The following OR3A2 variants were observed in gnomAD, a reference collection of about 807,000 sequenced individuals.
OR3A2 encodes the protein olfactory receptor 3A2.
For synonymous variants in OR3A2, 126 were observed against 159.3 expected, an observed-to-expected ratio of 0.79 and a Z score of 1.57; for missense variants, 318 against 392.8, an observed-to-expected ratio of 0.81 and a Z score of 1.61.
chr17:3,348,751 A>T (rs1319477981), intron 2 of OR3A2, among the ~76,000 whole-genome samples: 1 of 152,140 alleles, frequency 6.6e-6, no homozygotes, highest in Non-Finnish European at 1.5e-5. Flanking sequence ...AGTTGAAATG[A>T]AGGAAAAAAA....
chr17:3,293,174 TA>T (rs1434282282), intron 3 of OR3A2, among the ~76,000 whole-genome samples: 16 of 143,310 alleles, frequency 1.1e-4, no homozygotes, highest in Admixed American at 3.5e-4. Flanking sequence ...AAAGGGTGGG[TA>T]GGGGGAGGCA....
At chr17:3,333,224 T>C (rs1274511998) in intron 3 of OR3A2, among the ~76,000 whole-genome samples, 1 of 152,202 alleles carries the variant, frequency 6.6e-6, no homozygotes, top group Non-Finnish European at 1.5e-5. Flanking sequence ...AAATACGCCC[T>C]GGTCTCCTGT....
intron 3 of OR3A2, among the ~76,000 whole-genome samples, chr17:3,299,825 T>C (rs2048948350): frequency 6.6e-6 from 1 of 152,180 alleles, no homozygotes; most frequent in Non-Finnish European, 1.5e-5. Flanking sequence ...CAGAATAATA[T>C]TTCCAACCAC....
chr17:3,340,233 AT>A (rs1200734561), intron 2 of OR3A2, among the ~76,000 whole-genome samples: 9 of 152,036 alleles, frequency 5.9e-5, no homozygotes, highest in South Asian at 2.1e-4. Context: ...GGATTCACTG[AT>A]TTTTTTGAAG....
At chr17:3,280,499 C>T (rs2048770652) in intron 1 of OR3A2, among the ~76,000 whole-genome samples, 1 of 152,132 alleles carries the variant, frequency 6.6e-6, no homozygotes, top group Non-Finnish European at 1.5e-5. Context: ...GTCTCGATCT[C>T]CTGACCTGGT....
Position 3,386,118 on chromosome 17 carries a change from G to A in OR3A2, c.-275+7C>T, listed in dbSNP as rs181078780. 1 of 398,862 alleles carries A rather than the reference G, an allele frequency of 2.5e-6. No individual in the cohort carries two copies. The highest frequency in any genetic ancestry group is 2.1e-5 in the African/African-American group (1 of 48,742). The allele number at this position is 398,862 out of a possible 1,614,324, so 24.7% of individuals were successfully genotyped here. ...TCCGCTCCCCCATGTATTACTTCTT[G>A]GGTCACCTGAGCCTCGTGGACGTCT... is the stretch of plus-strand genomic sequence containing the variant. On this transcript the variant is annotated splice_region_variant and intron_variant, in intron 1 of 4. Transcript: ENST00000573491.
At chr17:3,359,914 A>G (rs559418362) in intron 2 of OR3A2, among the ~76,000 whole-genome samples, 1 of 151,932 alleles carries the variant, frequency 6.6e-6, no homozygotes, top group East Asian at 1.9e-4. Context: ...AGCATGATTT[A>G]TATTCCTTCA....
At chr17:3,292,640 T>C in intron 3 of OR3A2, 1 of 1,425,100 alleles carries the variant, frequency 7.0e-7, no homozygotes, top group Non-Finnish European at 9.5e-7. Context: ...AATAATTTAT[T>C]TACTCAAGAA....
At chr17:3,340,062 AG>A (rs2150646952) in intron 2 of OR3A2, among the ~76,000 whole-genome samples, 1 of 152,220 alleles carries the variant, frequency 6.6e-6, no homozygotes, top group South Asian at 2.1e-4. Flanking sequence ...ATTTGTGTAG[AG>A]GTGTTTATAG....
At chr17:3,336,675 C>T (rs1423864656) in intron 2 of OR3A2, among the ~76,000 whole-genome samples, 1 of 152,128 alleles carries the variant, frequency 6.6e-6, no homozygotes, top group African/African-American at 2.4e-5. Context: ...GTATCCAAAT[C>T]TTACACTGTC....
At chr17:3,343,367 C>T in intron 2 of OR3A2, among the ~76,000 whole-genome samples, 1 of 152,208 alleles carries the variant, frequency 6.6e-6, no homozygotes, top group East Asian at 1.9e-4. Flanking sequence ...TAGACCAGAG[C>T]TGTTCCTATT....
intron 1 of OR3A2, among the ~76,000 whole-genome samples, chr17:3,281,050 G>C (rs367655306): frequency 3.3e-5 from 5 of 151,990 alleles, no homozygotes; most frequent in African/African-American, 1.2e-4. Flanking sequence ...CTCAGCCTCT[G>C]GTGAGCACTG....
At chr17:3,313,545 T>C (rs1294078404) in intron 3 of OR3A2, among the ~76,000 whole-genome samples, 3 of 152,376 alleles carry the variant, frequency 2.0e-5, no homozygotes, top group South Asian at 4.1e-4. Context: ...CTGCCAAGTC[T>C]TTCTGATCAA....
At chr17:3,384,074 T>A (rs574367775) in intron 1 of OR3A2, among the ~76,000 whole-genome samples, 3 of 152,142 alleles carry the variant, frequency 2.0e-5, no homozygotes, top group Admixed American at 2.0e-4. Flanking sequence ...GACAGTGAGA[T>A]GTAGCTCCTT....
chr17:3,361,014 G>A (rs2049509726), intron 2 of OR3A2, among the ~76,000 whole-genome samples: 1 of 151,388 alleles, frequency 6.6e-6, no homozygotes, highest in Non-Finnish European at 1.5e-5. Context: ...TGGGCAGTAT[G>A]GCCATTTTCA....
At chr17:3,374,120 G>C (rs2049658236) in intron 2 of OR3A2, among the ~76,000 whole-genome samples, 1 of 152,168 alleles carries the variant, frequency 6.6e-6, no homozygotes, top group Non-Finnish European at 1.5e-5. Flanking sequence ...GCTAAAAGTA[G>C]AACCCCAATC....
chr17:3,372,979 C>T (rs1179897502), intron 2 of OR3A2, among the ~76,000 whole-genome samples: 2 of 152,026 alleles, frequency 1.3e-5, no homozygotes, highest in African/African-American at 2.4e-5. Context: ...TTTGCTACAT[C>T]CCAGAAGCTT....
chr17:3,371,994 G>T, intron 2 of OR3A2, among the ~76,000 whole-genome samples: 1 of 111,372 alleles, frequency 9.0e-6, no homozygotes. Context: ...AGACGGGGTG[G>T]CTGCCGGGCA....
intron 3 of OR3A2, among the ~76,000 whole-genome samples, chr17:3,315,856 G>C (rs1467373011): frequency 6.6e-6 from 1 of 151,374 alleles, no homozygotes; most frequent in Non-Finnish European, 1.5e-5. Flanking sequence ...GGAAACTAGT[G>C]AGTTGTCCCA....
Sources: allele counts gnomAD v4.1 joint callset (sites outside exome capture counted in the v4.1 genomes callset), GRCh38; gene constraint gnomAD v4.1.1; transcripts MANE v1.5; gene names NCBI Gene and HGNC (gene_info 2026-07-23, HGNC 2026-07-21).